Variants in CYTH3 observed in about 807,000 individuals in gnomAD.
CYTH3 encodes cytohesin-3.
Under a neutral mutation model 55.1 loss-of-function variants are expected in CYTH3, and 23 were observed. The ratio of observed to expected loss-of-function variants is 0.42; its 90% CI spans 0.30 to 0.59. The LOEUF (loss-of-function observed/expected upper bound fraction) is 0.59, where lower values mean the gene tolerates loss of function less well. Ranked by LOEUF, CYTH3 falls within the 20% of genes least tolerant of loss-of-function variation. The probability of loss-of-function intolerance (pLI) is 0.20; values close to 1 mark genes in which losing one functional copy is unlikely to be tolerated. For synonymous variants in CYTH3, 249 were observed against 194.9 expected (o/e 1.28, Z -2.31); for missense variants, 413 against 524.8 (o/e 0.79, Z 2.08).
chr7:6,204,353 T>C (rs755648312), intron 1 of CYTH3, among the ~76,000 whole-genome samples: 2 of 152,162 alleles, frequency 1.3e-5, no homozygotes, highest in Non-Finnish European at 2.9e-5. Context: ...AAGCAGAGTT[T>C]AGAAAGCTCA....
At position 6,169,340 on chromosome 7, in the gene CYTH3, C is replaced by G. The variant is rs1047743229; in HGVS notation, c.823+1195G>C. ...GGCTCAGGCCATCCTCCTGCCTCAG[C>G]CTCCCTAGTAGCTGGGACTACAGGC... On this transcript the variant is annotated intron_variant, in intron 9 of 12. Coordinates refer to ENST00000350796, the MANE Select transcript of CYTH3 (RefSeq NM_004227.4). This position sits in a 1 kb window ranked among gnomAD's most constrained non-coding sequence, Gnocchi z 4.1. 6.6e-6 allele frequency among the ~76,000 whole-genome samples: 1 copy of G among 152,198 alleles called. No homozygotes were observed. The highest frequency in any genetic ancestry group is 2.4e-5 in the African/African-American group (1 of 41,450).
rs201627333 is a variant in CYTH3 at position 6,254,594 on chromosome 7, G to C, written c.34+17880C>G. Among the ~76,000 whole-genome samples, 3 of 152,282 alleles carry C rather than the reference G, an allele frequency of 2.0e-5. No individual in the cohort carries two copies. The East Asian group carries it at 5.8e-4, about 29-fold the overall frequency. ...CTCCCAAGAAGCTGGGATTACAGGC[G>C]CATACCACAATGCTCGGCTAATTTT... On this transcript the variant is annotated intron_variant, in intron 1 of 12. Transcript: ENST00000350796.
chr7:6,207,439 C>T (rs1382449607), intron 1 of CYTH3, among the ~76,000 whole-genome samples: 1 of 152,016 alleles, frequency 6.6e-6, no homozygotes, highest in Non-Finnish European at 1.5e-5. Context: ...ATAAAGAATG[C>T]CTACTTTTTA....
chr7:6,260,859 C>T (rs1394549388), intron 1 of CYTH3, among the ~76,000 whole-genome samples: 1 of 152,122 alleles, frequency 6.6e-6, no homozygotes, highest in Non-Finnish European at 1.5e-5. Flanking sequence ...ATCTCCTACC[C>T]AAATTAGTCT....
intron 4 of CYTH3, among the ~76,000 whole-genome samples, chr7:6,179,616 ACACACAC>A (rs1783427676): frequency 8.3e-6 from 1 of 121,186 alleles, no homozygotes; most frequent in African/African-American, 3.5e-5. Context: ...CACACCACAC[ACACACAC>A]CCCCCACATA....
At chr7:6,243,843 G>A (rs962988276) in intron 1 of CYTH3, among the ~76,000 whole-genome samples, 24 of 152,312 alleles carry the variant, frequency 1.6e-4, no homozygotes, top group African/African-American at 5.5e-4. Flanking sequence ...ATCGTATGGA[G>A]TCAGAGATAA....
chr7:6,173,629 C>T lies in CYTH3; in HGVS notation c.449+24G>A, dbSNP rs557455473. ...CCTCTGGCCTTCCCCATCCACTCTACACCCAGCAAATGATCATACTTACCT... is the reference window on the plus strand; with the variant it reads ...CCTCTGGCCTTCCCCATCCACTCTATACCCAGCAAATGATCATACTTACCT... On this transcript the variant is annotated intron_variant, in intron 6 of 12. Transcript: ENST00000350796. 1.8e-4 allele frequency: 284 copies of T among 1,540,710 alleles called. 1 individual carries two copies. The South Asian group carries it at 3.0e-3, about 16-fold the overall frequency.
chr7:6,271,982 C>G (rs1314353465), intron 1 of CYTH3, among the ~76,000 whole-genome samples: 1 of 152,220 alleles, frequency 6.6e-6, no homozygotes, highest in East Asian at 1.9e-4. Flanking sequence ...AACCGTTTCC[C>G]CTGCCCTCCC....
chr7:6,188,661 C>G (rs1322581559), intron 2 of CYTH3: 1 of 152,264 alleles, frequency 6.6e-6, no homozygotes, highest in Non-Finnish European at 1.5e-5. Flanking sequence ...TCCAAGGGGA[C>G]AGACCCCCTT....
intron 1 of CYTH3, among the ~76,000 whole-genome samples, chr7:6,207,982 T>TA (rs528384656): frequency 1.5e-4 from 23 of 151,728 alleles, no homozygotes; most frequent in South Asian, 4.2e-4. Flanking sequence ...TAGAAGCAGA[T>TA]AAAAAAAACG....
intron 1 of CYTH3, among the ~76,000 whole-genome samples, chr7:6,199,066 C>A (rs1253658993): frequency 1.3e-5 from 2 of 152,148 alleles, no homozygotes; most frequent in Non-Finnish European, 2.9e-5. Context: ...AAGGAAAAAA[C>A]AATGTGGAAA....
chr7:6,173,095 G>A (rs753824247), intron 6 of CYTH3: 12 of 1,019,478 alleles, frequency 1.2e-5, no homozygotes, highest in Non-Finnish European at 1.4e-5. Flanking sequence ...TCAAGGCCCA[G>A]AACAGATGAA....
Position 6,169,190 on chromosome 7 carries a change from C to T in CYTH3, c.823+1345G>A, listed in dbSNP as rs1783098892. On this transcript the variant is annotated intron_variant, in intron 9 of 12. Coordinates refer to ENST00000350796, the MANE Select transcript of CYTH3 (RefSeq NM_004227.4). The surrounding 1 kb of genome is among the most constrained non-coding windows in gnomAD (Gnocchi z 4.1). Reference sequence around the variant, plus strand: ...ACACCCTTTCCACCAGCTGAGGAGGCCTGTGCCCGTCACACCGTGTCTCAC... The same window carrying T: ...ACACCCTTTCCACCAGCTGAGGAGGTCTGTGCCCGTCACACCGTGTCTCAC... Among the ~76,000 whole-genome samples, 1 of 152,186 alleles carries T rather than the reference C, an allele frequency of 6.6e-6. No homozygotes were observed.
At chr7:6,225,354 A>ATT (rs774582947) in intron 1 of CYTH3, among the ~76,000 whole-genome samples, 9 of 143,414 alleles carry the variant, frequency 6.3e-5, no homozygotes, top group African/African-American at 1.5e-4. Context: ...AGGAAAAAAA[A>ATT]TTTTTTTTTT....
At chr7:6,269,679 G>T (rs1780600081) in intron 1 of CYTH3, among the ~76,000 whole-genome samples, 1 of 152,164 alleles carries the variant, frequency 6.6e-6, no homozygotes, top group African/African-American at 2.4e-5. Flanking sequence ...CACACTGTAA[G>T]GAACAATGTG....
intron 1 of CYTH3, among the ~76,000 whole-genome samples, chr7:6,240,675 C>G (rs1779650593): frequency 6.6e-6 from 1 of 152,052 alleles, no homozygotes; most frequent in Admixed American, 6.6e-5. Flanking sequence ...CGCCACACAT[C>G]AGAATAAACT....
intron 9 of CYTH3, among the ~76,000 whole-genome samples, chr7:6,168,116 G>C (rs1486770793): frequency 6.6e-6 from 1 of 152,028 alleles, no homozygotes. Context: ...CTCTCTGTAA[G>C]TTTCTGTCTT....
chr7:6,208,900 A>G (rs1426249763), intron 1 of CYTH3, among the ~76,000 whole-genome samples: 2 of 152,186 alleles, frequency 1.3e-5, no homozygotes, highest in Non-Finnish European at 2.9e-5. Flanking sequence ...CTTGGAGGTA[A>G]TTGTCTAAAA....
At chr7:6,234,691 G>C (rs948709002) in intron 1 of CYTH3, among the ~76,000 whole-genome samples, 6 of 152,146 alleles carry the variant, frequency 3.9e-5, no homozygotes, top group Non-Finnish European at 5.9e-5. Flanking sequence ...TGCAAACTGG[G>C]AGAGCTGTAG....
Sources: gnomAD v4.1 joint callset for allele counts (sites outside exome capture counted in the v4.1 genomes callset) on GRCh38, gnomAD v4.1.1 for gene constraint, Gnocchi (gnomAD v3.1) non-coding constraint, MANE v1.5 for transcripts, NCBI Gene and HGNC (gene_info 2026-07-23, HGNC 2026-07-21) for gene names.